PDE4D: variants seen among roughly 807,000 people sequenced by gnomAD.
PDE4D encodes 3',5'-cyclic-AMP phosphodiesterase 4D.
In PDE4D, 24 loss-of-function variants were observed where a neutral mutation model predicts 87.4. The ratio of observed to expected loss-of-function variants is 0.27; its 90% CI spans 0.20 to 0.39. PDE4D has a LOEUF of 0.39. PDE4D is among the 10% of genes least tolerant of loss of function. The pLI is 1.00. For missense variants in PDE4D, 714 were observed against 1,041.0 expected (o/e 0.69, Z 4.32); for synonymous variants, 384 against 383.2 (o/e 1.00, Z -0.02).
At chr5:59,884,226 C>G (rs748982335) in intron 1 of PDE4D, among the ~76,000 whole-genome samples, 1 of 151,874 alleles carries the variant, frequency 6.6e-6, no homozygotes, top group Admixed American at 6.6e-5. Flanking sequence ...ATATGTAGTA[C>G]TGTCTCTGTC....
At chr5:59,654,162 T>G (rs938132967) in intron 1 of PDE4D, among the ~76,000 whole-genome samples, 1 of 151,614 alleles carries the variant, frequency 6.6e-6, no homozygotes, top group African/African-American at 2.4e-5. Context: ...GCTGAGATAC[T>G]GCTACTGAAC....
chr5:60,117,725 T>C (rs1396196166), intron 2 of PDE4D, among the ~76,000 whole-genome samples: 2 of 151,966 alleles, frequency 1.3e-5, no homozygotes, highest in Non-Finnish European at 2.9e-5. Context: ...TCACCATACA[T>C]GAAGAGAAGA....
chr5:59,178,264 G>A (rs191101746), intron 5 of PDE4D, among the ~76,000 whole-genome samples: 1 of 152,110 alleles, frequency 6.6e-6, no homozygotes, highest in Non-Finnish European at 1.5e-5. Context: ...CAAGAAAAAC[G>A]ACTTCCCAGT....
chr5:59,379,146 C>T (rs1421245229), intron 1 of PDE4D, among the ~76,000 whole-genome samples: 1 of 152,054 alleles, frequency 6.6e-6, no homozygotes, highest in Non-Finnish European at 1.5e-5. Context: ...AACACCCAAA[C>T]CTGAGACAAA....
At chr5:60,509,107 C>T (rs1481869532) in intron 1 of PDE4D, among the ~76,000 whole-genome samples, 1 of 152,172 alleles carries the variant, frequency 6.6e-6, no homozygotes, top group Non-Finnish European at 1.5e-5. Context: ...ACCATGTTGG[C>T]CAGGCTGGTC....
intron 2 of PDE4D, among the ~76,000 whole-genome samples, chr5:59,996,538 C>A (rs11948421): frequency 0.16 from 24,022 of 152,108 alleles, 2,564 homozygotes; most frequent in African/African-American, 0.29. Context: ...TTTCATGTCC[C>A]CATGAAATTG....
chr5:59,384,061 TA>T (rs1447328052), intron 1 of PDE4D, among the ~76,000 whole-genome samples: 1 of 132,234 alleles, frequency 7.6e-6, no homozygotes, highest in Non-Finnish European at 1.6e-5. Flanking sequence ...GCTATTTTTT[TA>T]TTTTTTTAGT....
intron 1 of PDE4D, among the ~76,000 whole-genome samples, chr5:59,550,609 G>A (rs1047366747): frequency 1.3e-5 from 2 of 151,770 alleles, no homozygotes; most frequent in Non-Finnish European, 2.9e-5. Context: ...TAAAGTTGGG[G>A]TTTTATTCAT....
At chr5:59,897,908 CAGGTTCTTAGGAT>C (rs1751832748), upstream of PDE4D, among the ~76,000 whole-genome samples, 4 of 152,180 alleles carry the variant, frequency 2.6e-5, no homozygotes, top group African/African-American at 9.6e-5. Flanking sequence ...TGAGTAGAAA[CAGGTTCTTAGGAT>C]ATTTCCTTGA....
chr5:60,449,150 G>A (rs1006934489), intron 1 of PDE4D, among the ~76,000 whole-genome samples: 16 of 135,230 alleles, frequency 1.2e-4, no homozygotes, highest in African/African-American at 4.2e-4. Flanking sequence ...CCATTAATTT[G>A]CTAAAATCTC....
At chr5:59,676,881 C>G (rs1272523305) in intron 1 of PDE4D, among the ~76,000 whole-genome samples, 2 of 152,014 alleles carry the variant, frequency 1.3e-5, no homozygotes, top group African/African-American at 2.4e-5. Context: ...TTCCTCCTAT[C>G]TAGCTGTCAT....
At chr5:59,678,429 A>T (rs943445820) in intron 1 of PDE4D, among the ~76,000 whole-genome samples, 1 of 151,636 alleles carries the variant, frequency 6.6e-6, no homozygotes, top group African/African-American at 2.4e-5. Flanking sequence ...CTCTATCATT[A>T]AAAAAAATAT....
intron 1 of PDE4D, among the ~76,000 whole-genome samples, chr5:59,657,187 G>A (rs944891280): frequency 2.6e-5 from 4 of 152,190 alleles, no homozygotes; most frequent in African/African-American, 9.7e-5. Flanking sequence ...ACTCGGAAGT[G>A]CTGTCTCTAT....
intron 6 of PDE4D, among the ~76,000 whole-genome samples, chr5:59,019,889 AT>A (rs2153374087): frequency 7.0e-6 from 1 of 141,978 alleles, no homozygotes. Context: ...CTATCTATCT[AT>A]CTATCTATCT....
chr5:59,722,206 C>T (rs917808139), intron 1 of PDE4D, among the ~76,000 whole-genome samples: 2 of 152,178 alleles, frequency 1.3e-5, no homozygotes, highest in African/African-American at 4.8e-5. Flanking sequence ...CAAGAAAGCA[C>T]AACTTTAGGA....
At chr5:60,504,915 C>G (rs1025722325) in intron 1 of PDE4D, among the ~76,000 whole-genome samples, 3 of 152,160 alleles carry the variant, frequency 2.0e-5, no homozygotes, top group African/African-American at 7.2e-5. Context: ...CCTCCCCCAA[C>G]AAAAGCATAA....
intron 5 of PDE4D, among the ~76,000 whole-genome samples, chr5:59,063,732 G>A (rs982153268): frequency 1.3e-5 from 2 of 152,146 alleles, no homozygotes; most frequent in African/African-American, 4.8e-5. Flanking sequence ...CAGTGTATCA[G>A]CCTTCTGAGC....
chr5:60,287,270 A>T (rs1456027328), intron 1 of PDE4D, among the ~76,000 whole-genome samples: 1 of 152,170 alleles, frequency 6.6e-6, no homozygotes, highest in African/African-American at 2.4e-5. Context: ...AAAACAGCCT[A>T]CAAATATACA....
intron 2 of PDE4D, among the ~76,000 whole-genome samples, chr5:60,009,732 G>T (rs1764832625): frequency 6.6e-6 from 1 of 152,022 alleles, no homozygotes; most frequent in Non-Finnish European, 1.5e-5. Context: ...CATAATTAAG[G>T]AACTGCATCT....
Sources: gnomAD v4.1 joint callset for allele counts (sites outside exome capture counted in the v4.1 genomes callset) on GRCh38, gnomAD v4.1.1 for gene constraint, MANE v1.5 for transcripts, NCBI Gene and HGNC (gene_info 2026-07-23, HGNC 2026-07-21) for gene names.